Variants in PLS1 observed in about 807,000 individuals in gnomAD.
PLS1 encodes the protein plastin 1, also known as plastin-1.
In PLS1, 32 loss-of-function variants were observed where a neutral mutation model predicts 73.7. The ratio of observed to expected loss-of-function variants is 0.43; its 90% CI spans 0.33 to 0.58. The LOEUF is 0.58. PLS1 is among the 20% of genes least tolerant of loss of function. The pLI is 0.04. For missense variants in PLS1, 633 were observed against 740.5 expected, an observed-to-expected ratio of 0.85 and a Z score of 1.68; for synonymous variants, 217 against 261.3, an observed-to-expected ratio of 0.83 and a Z score of 1.63.
At chr3:142,683,049 T>C (rs1183162701) in intron 6 of PLS1, among the ~76,000 whole-genome samples, 1 of 152,212 alleles carries the variant, frequency 6.6e-6, no homozygotes, top group Non-Finnish European at 1.5e-5. Context: ...ATTTATTTAC[T>C]TGGAGCTCAA....
chr3:142,670,105 G>A (rs1288009199), intron 3 of PLS1, among the ~76,000 whole-genome samples: 1 of 152,182 alleles, frequency 6.6e-6, no homozygotes, highest in Admixed American at 6.5e-5. Flanking sequence ...AGAAGGAATT[G>A]AATTTGGAGG....
At chr3:142,681,335 A>G (rs533077750) in intron 6 of PLS1, among the ~76,000 whole-genome samples, 2 of 152,302 alleles carry the variant, frequency 1.3e-5, no homozygotes, top group South Asian at 4.2e-4. Flanking sequence ...TTCAGTAATC[A>G]TGGATATTAG....
intron 1 of PLS1, among the ~76,000 whole-genome samples, chr3:142,611,889 ATCT>A (rs1263527135): frequency 6.6e-6 from 1 of 152,146 alleles, no homozygotes; most frequent in Non-Finnish European, 1.5e-5. Flanking sequence ...TGGTATTATT[ATCT>A]TCTTAACTTT....
rs367950817 is a variant in PLS1 at position 142,684,359 on chromosome 3, A to C, written c.852A>C (p.Gly284=). 1.2e-5 allele frequency: 19 copies of C among 1,613,756 alleles called. No individual in the cohort carries two copies. The highest frequency in any genetic ancestry group is 1.5e-5 in the Non-Finnish European group (18 of 1,179,782). The part of the protein sequence containing the change: ...RWVNYHLTNA[G]WHTISNFSQD... Reference sequence around the variant, plus strand: ...TGAACTACCATCTGACCAATGCAGGATGGCATACCATCAGCAACTTCAGCC... The same window carrying C: ...TGAACTACCATCTGACCAATGCAGGCTGGCATACCATCAGCAACTTCAGCC... The change falls in exon 8 of 16, where the codon GGA becomes GGC. Residue 284 remains glycine, a synonymous_variant. Coordinates refer to ENST00000457734, the MANE Select transcript of PLS1 (RefSeq NM_001145319.2).
chr3:142,649,100 T>TGCCC lies in PLS1; in HGVS notation c.-36-15102_-36-15101insGCCC, dbSNP rs1333534087. The stretch of plus-strand genomic sequence containing the variant: ...GTCATTGCAGCTAGATTGCCCTGCC[T>TGCCC]TGCCTCATGTCAGAAAGACCTGCCC... On this transcript the variant is annotated intron_variant, in intron 1 of 15. Transcript: ENST00000457734. Among the ~76,000 whole-genome samples the TGCCC allele has an allele frequency of 8.6e-4, 131 of 152,006 alleles. 1 individual carries two copies. Among genetic ancestry groups the TGCCC allele is most frequent in the Non-Finnish European group, 8.8e-5 (6 of 67,982 alleles).
chr3:142,676,264 T>G lies in PLS1; in HGVS notation c.472T>G (p.Ser158Ala). ...MNPNDDSLFK[S>A]LADGILLCKM... ...TCCCAATGATGATAGTCTTTTCAAGTCACTTGCAGATGGCATCCTTCTTTG... is the reference window on the plus strand; with the variant it reads ...TCCCAATGATGATAGTCTTTTCAAGGCACTTGCAGATGGCATCCTTCTTTG... Residue 158 changes from serine (S) to alanine (A), a missense_variant, in exon 5 of 16, where the codon TCA becomes GCA. Transcript: ENST00000457734. The G allele has an allele frequency of 6.2e-7, 1 of 1,613,390 alleles. No homozygotes were observed. The highest frequency in any genetic ancestry group is 8.5e-7 in the Non-Finnish European group (1 of 1,179,694).
At chr3:142,704,304 G>T (rs1332864626) in intron 13 of PLS1, among the ~76,000 whole-genome samples, 159 bp from the exon 14 acceptor site, 2 of 152,120 alleles carry the variant, frequency 1.3e-5, no homozygotes, top group African/African-American at 2.4e-5. Flanking sequence ...AATGAGGTTT[G>T]TAACTTTGGA....
chr3:142,641,117 T>C (rs4683689), intron 1 of PLS1, among the ~76,000 whole-genome samples: 101,247 of 147,918 alleles, frequency 0.68, 36,199 homozygotes, highest in African/African-American at 0.88. Context: ...CTAATGATTG[T>C]ACCACTGTAC....
chr3:142,663,213 G>A (rs578173788), intron 1 of PLS1, among the ~76,000 whole-genome samples: 5 of 151,718 alleles, frequency 3.3e-5, no homozygotes, highest in Admixed American at 2.0e-4. Flanking sequence ...AGACTCTGTC[G>A]CAGAAAAAAT....
intron 4 of PLS1, among the ~76,000 whole-genome samples, chr3:142,674,519 T>A (rs2037677882): frequency 6.6e-6 from 1 of 152,216 alleles, no homozygotes; most frequent in African/African-American, 2.4e-5. Flanking sequence ...TAAGGATTTA[T>A]AATCTTAAAT....
intron 12 of PLS1, among the ~76,000 whole-genome samples, chr3:142,700,316 A>C (rs930254988): frequency 7.0e-6 from 1 of 142,756 alleles, no homozygotes; most frequent in Non-Finnish European, 1.5e-5. Flanking sequence ...TATTATTATT[A>C]TTTTATTTAT....
At chr3:142,671,911 TC>T (rs1481766671) in intron 4 of PLS1, among the ~76,000 whole-genome samples, 1 of 152,162 alleles carries the variant, frequency 6.6e-6, no homozygotes, top group African/African-American at 2.4e-5. Flanking sequence ...CTCAAATTTC[TC>T]TCATCTATTA....
intron 1 of PLS1, among the ~76,000 whole-genome samples, chr3:142,618,614 A>G (rs1022009324): frequency 1.3e-5 from 2 of 152,020 alleles, no homozygotes; most frequent in African/African-American, 4.8e-5. Context: ...TTCTTCTTGG[A>G]TGTAAATGGA....
intron 11 of PLS1, 46 bp from the exon 12 acceptor site, chr3:142,697,907 A>C: frequency 9.6e-6 from 10 of 1,046,302 alleles, no homozygotes; most frequent in Non-Finnish European, 1.5e-5. Context: ...ATTAGGTAAT[A>C]CCCAACATTT....
At chr3:142,603,491 G>A (rs7647497) in intron 1 of PLS1, among the ~76,000 whole-genome samples, 33,237 of 152,036 alleles carry the variant, frequency 0.22, 4,595 homozygotes, top group African/African-American at 0.4. Flanking sequence ...ATAAAACTAC[G>A]AGACTGGCTG....
At chr3:142,710,186 CCCATCTCTGCTTTG>C (rs1933052310) in intron 14 of PLS1, among the ~76,000 whole-genome samples, 2 of 124,664 alleles carry the variant, frequency 1.6e-5, no homozygotes, top group Non-Finnish European at 3.3e-5. Context: ...TTTTTTTTTT[CCCATCTCTGCTTTG>C]CCATCTAATG....
intron 2 of PLS1, among the ~76,000 whole-genome samples, chr3:142,664,569 A>C (rs2107828009): frequency 6.6e-6 from 1 of 152,324 alleles, no homozygotes. Flanking sequence ...AATGTAACTG[A>C]ATACACTTTA....
intron 1 of PLS1, among the ~76,000 whole-genome samples, chr3:142,653,309 T>C (rs2037142835): frequency 6.6e-6 from 1 of 152,068 alleles, no homozygotes; most frequent in Admixed American, 6.6e-5. Context: ...CTTTTAGCCT[T>C]CTCACATCAC....
chr3:142,658,236 G>A (rs183221753), intron 1 of PLS1, among the ~76,000 whole-genome samples: 108 of 152,262 alleles, frequency 7.1e-4, no homozygotes, highest in Non-Finnish European at 1.3e-3. Context: ...ACTTTGAGAG[G>A]CTGAGGCAGG....
Sources: gnomAD v4.1 joint callset for allele counts (sites outside exome capture counted in the v4.1 genomes callset) on GRCh38, gnomAD v4.1.1 for gene constraint, MANE v1.5 for transcripts, NCBI Gene and HGNC (gene_info 2026-07-23, HGNC 2026-07-21) for gene names.